DLGAP1: variants seen among roughly 807,000 people sequenced by gnomAD.
DLGAP1 encodes DLG associated protein 1, also known as disks large-associated protein 1.
In DLGAP1, 11 loss-of-function variants were observed where a neutral mutation model predicts 90.8. That is an observed-to-expected ratio of 0.12 (90% CI 0.08 to 0.20). The LOEUF (loss-of-function observed/expected upper bound fraction) is 0.20, where lower values mean the gene tolerates loss of function less well. DLGAP1 is among the 10% of genes least tolerant of loss of function. The probability of loss-of-function intolerance (pLI) is 1.00; values close to 1 mark genes in which losing one functional copy is unlikely to be tolerated. For missense variants in DLGAP1, 1,050 were observed against 1,333.8 expected, an observed-to-expected ratio of 0.79 and a Z score of 3.31; for synonymous variants, 558 against 540.7, an observed-to-expected ratio of 1.03 and a Z score of -0.44.
Position 3,878,949 on chromosome 18 carries a change from T to C in DLGAP1, c.957+163A>G, listed in dbSNP as rs141837343. 2.6e-5 allele frequency among the ~76,000 whole-genome samples: 4 copies of C among 152,266 alleles called. No homozygotes were observed. The East Asian group carries it at 7.7e-4, about 29-fold the overall frequency. ...GGTCGGTAGCATTTGTTTCTTTTCA[T>C]TTTCCCTACAGGAGCAATTCGGCAC... On this transcript the variant is annotated intron_variant, in intron 4 of 12. Transcript: ENST00000315677.
chr18:3,758,046 C>T (rs1012980002), intron 5 of DLGAP1, among the ~76,000 whole-genome samples: 90 of 139,708 alleles, frequency 6.4e-4, no homozygotes, highest in African/African-American at 1.9e-3. Flanking sequence ...ACTGGGGAGG[C>T]GGAGGTTGCA....
intron 3 of DLGAP1, among the ~76,000 whole-genome samples, chr18:3,970,606 G>C (rs547121830): frequency 6.6e-6 from 1 of 151,408 alleles, no homozygotes; most frequent in East Asian, 1.9e-4. Context: ...AAAAAATAAA[G>C]AGAAACAAAG....
intron 4 of DLGAP1, among the ~76,000 whole-genome samples, chr18:3,859,831 T>C (rs2148728753): frequency 6.6e-6 from 1 of 152,254 alleles, no homozygotes; most frequent in East Asian, 1.9e-4. Flanking sequence ...CCAGGCACGG[T>C]GGCTCACGCC....
intron 1 of DLGAP1, among the ~76,000 whole-genome samples, chr18:4,214,355 T>C (rs2077908255): frequency 6.6e-6 from 1 of 151,736 alleles, no homozygotes; most frequent in African/African-American, 2.4e-5. Flanking sequence ...TATAAAACCC[T>C]GCGTTTAACT....
intron 1 of DLGAP1, among the ~76,000 whole-genome samples, chr18:4,204,734 T>TA (rs551980659): frequency 1.2e-4 from 18 of 152,158 alleles, no homozygotes; most frequent in South Asian, 2.1e-4. Flanking sequence ...AAGTAAGAGG[T>TA]AAAAAAAATT....
intron 9 of DLGAP1, among the ~76,000 whole-genome samples, chr18:3,546,783 C>A (rs1232550977): frequency 6.6e-6 from 1 of 151,944 alleles, no homozygotes. Context: ...GGTTTCAAAT[C>A]AATGCTCAGC....
At chr18:4,236,005 C>A (rs543278951) in intron 1 of DLGAP1, among the ~76,000 whole-genome samples, 1 of 152,218 alleles carries the variant, frequency 6.6e-6, no homozygotes, top group Non-Finnish European at 1.5e-5. Flanking sequence ...GGATTACAGG[C>A]ATGAGCCACC....
At chr18:4,427,778 T>G (rs1488262899) in intron 1 of DLGAP1, among the ~76,000 whole-genome samples, 1 of 152,176 alleles carries the variant, frequency 6.6e-6, no homozygotes, top group East Asian at 1.9e-4. Context: ...TCTGAGTAGA[T>G]CACAAGATAA....
At chr18:3,978,839 A>G (rs1408695498) in intron 3 of DLGAP1, among the ~76,000 whole-genome samples, 1 of 152,196 alleles carries the variant, frequency 6.6e-6, no homozygotes, top group East Asian at 1.9e-4. Context: ...TGTATAGGAC[A>G]GATCTTGATG....
At chr18:3,924,162 C>T (rs1480675716) in intron 3 of DLGAP1, among the ~76,000 whole-genome samples, 3 of 152,134 alleles carry the variant, frequency 2.0e-5, no homozygotes, top group Admixed American at 1.3e-4. Flanking sequence ...AGAAAGCAAC[C>T]GACTCTCTCA....
intron 4 of DLGAP1, among the ~76,000 whole-genome samples, chr18:3,849,527 C>T (rs2069216075): frequency 6.6e-6 from 1 of 152,068 alleles, no homozygotes; most frequent in Non-Finnish European, 1.5e-5. Flanking sequence ...ATGCCCTAGA[C>T]TCCATAGGGC....
At chr18:3,948,491 G>A (rs999757401) in intron 3 of DLGAP1, among the ~76,000 whole-genome samples, 1 of 152,208 alleles carries the variant, frequency 6.6e-6, no homozygotes, top group East Asian at 1.9e-4. Context: ...CTCCAGCACT[G>A]CAGATAAGTG....
chr18:3,567,395 A>G, intron 9 of DLGAP1, 95 bp downstream of exon 9: 3 of 1,069,610 alleles, frequency 2.8e-6, no homozygotes, highest in Non-Finnish European at 1.4e-6. Context: ...TTAGAGGAAA[A>G]TATCATTGAA....
chr18:3,719,194 C>T (rs2061877141), intron 7 of DLGAP1, among the ~76,000 whole-genome samples: 1 of 151,946 alleles, frequency 6.6e-6, no homozygotes, highest in Non-Finnish European at 1.5e-5. Context: ...AATGTGGATA[C>T]TAGGAGATCT....
At chr18:4,013,547 A>C (rs2074467353) in intron 2 of DLGAP1, 1 of 152,232 alleles carries the variant, frequency 6.6e-6, no homozygotes, top group South Asian at 2.1e-4. Flanking sequence ...TTGTGTAAAG[A>C]GGACAAATCA....
intron 6 of DLGAP1, among the ~76,000 whole-genome samples, chr18:3,734,712 AT>A (rs1037710299): frequency 2.0e-5 from 3 of 151,778 alleles, no homozygotes; most frequent in Non-Finnish European, 2.9e-5. Flanking sequence ...TGGCTTTTGT[AT>A]TTTTTTCTCT....
chr18:3,976,173 C>A (rs1380676152), intron 3 of DLGAP1, among the ~76,000 whole-genome samples: 2 of 145,690 alleles, frequency 1.4e-5, no homozygotes, highest in Non-Finnish European at 3.0e-5. Context: ...ATGGAGAAAC[C>A]CGTCTCTACT....
intron 2 of DLGAP1, among the ~76,000 whole-genome samples, chr18:4,078,585 T>C (rs1175445155): frequency 6.6e-6 from 1 of 152,178 alleles, no homozygotes; most frequent in African/African-American, 2.4e-5. Context: ...AAAACCTCCA[T>C]TGTTTAGATA....
chr18:4,305,261 G>A (rs532238649), intron 1 of DLGAP1, among the ~76,000 whole-genome samples: 20 of 152,168 alleles, frequency 1.3e-4, no homozygotes, highest in African/African-American at 4.1e-4. Flanking sequence ...CCAGCCGGGC[G>A]TGGTGGCTCA....
Sources: allele counts gnomAD v4.1 joint callset (sites outside exome capture counted in the v4.1 genomes callset), GRCh38; gene constraint gnomAD v4.1.1; transcripts MANE v1.5; gene names NCBI Gene and HGNC (gene_info 2026-07-23, HGNC 2026-07-21).